The following CAST variants were observed in gnomAD, a reference collection of about 807,000 sequenced individuals.
CAST encodes the protein calpastatin, also known as MIR583 host.
Under a neutral mutation model 119.6 loss-of-function variants are expected in CAST, and 76 were observed. The observed-to-expected ratio is 0.64, with a 90% CI of 0.53 to 0.77. CAST has a LOEUF of 0.77. Ranked by LOEUF, CAST falls within the 30% of genes least tolerant of loss-of-function variation. The pLI, the probability that CAST is intolerant of heterozygous loss-of-function variation, is 0.00. For missense variants in CAST, 953 were observed against 946.5 expected (o/e 1.01, Z -0.09); for synonymous variants, 319 against 331.6 (o/e 0.96, Z 0.41).
At chr5:96,539,451 T>C (rs1745875652) in intron 1 of CAST, among the ~76,000 whole-genome samples, 1 of 152,214 alleles carries the variant, frequency 6.6e-6, no homozygotes, top group Admixed American at 6.5e-5. Context: ...AATATAGCCA[T>C]TCAAACTTCC....
At chr5:96,617,834 C>T (rs1375907443) in intron 1 of CAST, among the ~76,000 whole-genome samples, 1 of 109,176 alleles carries the variant, frequency 9.2e-6, no homozygotes, top group Non-Finnish European at 1.8e-5. Flanking sequence ...AAAAAACACT[C>T]TTAGGAGAAA....
chr5:96,174,531 A>G, the CAST span, among the ~76,000 whole-genome samples: 1 of 152,248 alleles, frequency 6.6e-6, no homozygotes, highest in African/African-American at 2.4e-5. Context: ...GTTGGATGAT[A>G]AAGGTTTAAT....
At chr5:96,456,433 G>C in the CAST span, among the ~76,000 whole-genome samples, 16 of 152,238 alleles carry the variant, frequency 1.1e-4, no homozygotes, top group African/African-American at 3.6e-4. Flanking sequence ...TACAGTTACA[G>C]TAATATATAA....
the CAST span, among the ~76,000 whole-genome samples, chr5:96,263,710 G>T: frequency 6.6e-6 from 1 of 152,146 alleles, no homozygotes; most frequent in African/African-American, 2.4e-5. Context: ...TATAAAAATA[G>T]TACCTGAGAC....
chr5:96,132,724 A>T, the CAST span, among the ~76,000 whole-genome samples: 1 of 152,174 alleles, frequency 6.6e-6, no homozygotes, highest in African/African-American at 2.4e-5. Flanking sequence ...GTCTTCATGG[A>T]CTGAGAGAAC....
chr5:96,033,904 T>C, the CAST span, among the ~76,000 whole-genome samples: 1 of 152,152 alleles, frequency 6.6e-6, no homozygotes, highest in Non-Finnish European at 1.5e-5. Context: ...ACTATGTATC[T>C]GATAAGGGGT....
intron 25 of CAST, among the ~76,000 whole-genome samples, 181 bp from the exon 26 acceptor site, chr5:96,765,034 CTCTTCT>C (rs1389617816): frequency 1.3e-5 from 2 of 149,324 alleles, no homozygotes; most frequent in Non-Finnish European, 3.0e-5. Context: ...GATACTGCCG[CTCTTCT>C]CCTGATCTTC....
At chr5:96,090,633 T>A in the CAST span, among the ~76,000 whole-genome samples, 8 of 22,394 alleles carry the variant, frequency 3.6e-4, no homozygotes, top group African/African-American at 1.3e-3. Context: ...AAGACTTTTT[T>A]ATGTTTTGTT....
At chr5:96,583,696 C>T (rs1452515597) in intron 1 of CAST, among the ~76,000 whole-genome samples, 1 of 152,102 alleles carries the variant, frequency 6.6e-6, no homozygotes, top group African/African-American at 2.4e-5. Context: ...ACTATGAGAA[C>T]TGTTAAGTAA....
At chr5:96,223,953 A>C in the CAST span, among the ~76,000 whole-genome samples, 17 of 152,354 alleles carry the variant, frequency 1.1e-4, no homozygotes, top group East Asian at 3.3e-3. Flanking sequence ...GTACAGAAAG[A>C]AATAGTGAGC....
At chr5:96,021,584 T>C in the CAST span, among the ~76,000 whole-genome samples, 1 of 152,136 alleles carries the variant, frequency 6.6e-6, no homozygotes, top group African/African-American at 2.4e-5. Context: ...TAGCTGGGAC[T>C]ACAGGCGCCC....
At chr5:96,569,227 A>C (rs1746529582) in intron 1 of CAST, among the ~76,000 whole-genome samples, 1 of 152,226 alleles carries the variant, frequency 6.6e-6, no homozygotes, top group South Asian at 2.1e-4. Context: ...ATGCAATGAG[A>C]GACCTCCCAC....
At chr5:96,141,853 C>T in the CAST span, among the ~76,000 whole-genome samples, 2 of 152,156 alleles carry the variant, frequency 1.3e-5, no homozygotes, top group African/African-American at 2.4e-5. Context: ...AGTGGAGGGG[C>T]GGCATGCGCT....
intron 3 of CAST, 147 bp from the exon 4 acceptor site, chr5:96,722,492 A>T: frequency 1.6e-6 from 1 of 631,766 alleles, no homozygotes; most frequent in Non-Finnish European, 2.9e-6. Context: ...TCACTACTGG[A>T]CACCACCTCC....
chr5:96,494,218 T>A, the CAST span, among the ~76,000 whole-genome samples: 2 of 152,136 alleles, frequency 1.3e-5, no homozygotes, highest in African/African-American at 4.8e-5. Flanking sequence ...TGAACTACCT[T>A]GTAGCAATGC....
chr5:96,460,934 T>A, the CAST span, among the ~76,000 whole-genome samples: 3 of 71,988 alleles, frequency 4.2e-5, no homozygotes, highest in Admixed American at 1.2e-4. Flanking sequence ...AGTCAGCTAG[T>A]TGCATTGTGT....
At chr5:96,084,156 G>A in the CAST span, among the ~76,000 whole-genome samples, 1 of 152,214 alleles carries the variant, frequency 6.6e-6, no homozygotes, top group African/African-American at 2.4e-5. Flanking sequence ...AATGACATAT[G>A]GCTGACTTGG....
At chr5:96,105,468 C>T in the CAST span, among the ~76,000 whole-genome samples, 6 of 152,116 alleles carry the variant, frequency 3.9e-5, no homozygotes, top group South Asian at 2.1e-4. Context: ...TTGTCAAAGG[C>T]CTTTTCTGCA....
At chr5:96,306,687 T>A in the CAST span, among the ~76,000 whole-genome samples, 1 of 152,218 alleles carries the variant, frequency 6.6e-6, no homozygotes, top group Non-Finnish European at 1.5e-5. Context: ...TATTTATTTC[T>A]GACTTAATTT....
Sources: allele counts gnomAD v4.1 joint callset (sites outside exome capture counted in the v4.1 genomes callset), GRCh38; gene constraint gnomAD v4.1.1; transcripts MANE v1.5; gene names NCBI Gene and HGNC (gene_info 2026-07-23, HGNC 2026-07-21).